ENAH: variants seen among roughly 807,000 people sequenced by gnomAD.
ENAH encodes the protein protein enabled homolog.
ENAH carries 23 observed loss-of-function variants against 78.7 expected under a neutral mutation model. The ratio of observed to expected loss-of-function variants is 0.29; its 90% CI spans 0.21 to 0.41. The LOEUF is 0.41. Among genes scored for constraint, ENAH ranks in the 10% least tolerant of loss-of-function variants. The probability of loss-of-function intolerance (pLI) is 1.00; values close to 1 mark genes in which losing one functional copy is unlikely to be tolerated. For missense variants in ENAH, 544 were observed against 691.0 expected, an observed-to-expected ratio of 0.79 and a Z score of 2.39; for synonymous variants, 226 against 241.0, an observed-to-expected ratio of 0.94 and a Z score of 0.58.
intron 1 of ENAH, among the ~76,000 whole-genome samples, chr1:225,612,322 A>T (rs1447239815): frequency 6.6e-6 from 1 of 152,252 alleles, no homozygotes; most frequent in Non-Finnish European, 1.5e-5. Flanking sequence ...CAGAAGCCAG[A>T]CACAAAAAGC....
chr1:225,616,409 A>G (rs950406290), intron 1 of ENAH, among the ~76,000 whole-genome samples: 8 of 152,144 alleles, frequency 5.3e-5, no homozygotes, highest in African/African-American at 1.9e-4. Context: ...ACTGGTGACA[A>G]TATGTCAATA....
intron 1 of ENAH, among the ~76,000 whole-genome samples, chr1:225,602,157 A>G (rs1160942083): frequency 6.6e-6 from 1 of 152,146 alleles, no homozygotes; most frequent in Non-Finnish European, 1.5e-5. Flanking sequence ...AATAAAGAGG[A>G]TTTGAATAGA....
chr1:225,637,396 C>A (rs962108479), intron 1 of ENAH, among the ~76,000 whole-genome samples: 2 of 152,100 alleles, frequency 1.3e-5, no homozygotes, highest in Admixed American at 6.5e-5. Context: ...TTAGTAGAGA[C>A]GGGGTTTCAC....
chr1:225,525,224 A>G (rs552297888), intron 4 of ENAH, among the ~76,000 whole-genome samples: 5 of 152,238 alleles, frequency 3.3e-5, no homozygotes, highest in South Asian at 2.1e-4. Flanking sequence ...TTTAATTCCT[A>G]TATCTCTAGC....
At chr1:225,612,749 G>C (rs1258473692) in intron 1 of ENAH, among the ~76,000 whole-genome samples, 1 of 151,880 alleles carries the variant, frequency 6.6e-6, no homozygotes, top group Non-Finnish European at 1.5e-5. Flanking sequence ...TCATATCTTT[G>C]CCCCAGTTTA....
At chr1:225,638,322 C>T (rs1660423443) in intron 1 of ENAH, among the ~76,000 whole-genome samples, 1 of 152,030 alleles carries the variant, frequency 6.6e-6, no homozygotes, top group African/African-American at 2.4e-5. Context: ...CCACACCCAG[C>T]TAATATTATT....
chr1:225,610,516 C>T (rs2096982585), intron 1 of ENAH, among the ~76,000 whole-genome samples: 1 of 151,904 alleles, frequency 6.6e-6, no homozygotes, highest in South Asian at 2.1e-4. Context: ...TCTTTTTTTT[C>T]CCAAGTATGC....
intron 3 of ENAH, among the ~76,000 whole-genome samples, chr1:225,535,824 TA>T (rs2096559012): frequency 6.6e-6 from 1 of 151,936 alleles, no homozygotes; most frequent in Non-Finnish European, 1.5e-5. Context: ...ATAACTTAGT[TA>T]TTTCCTAAGT....
intron 1 of ENAH, among the ~76,000 whole-genome samples, chr1:225,635,322 A>T (rs1012222768): frequency 3.3e-5 from 5 of 152,190 alleles, no homozygotes; most frequent in Non-Finnish European, 7.3e-5. Context: ...TGGGAATTAT[A>T]GGCACAAGCC....
At chr1:225,569,044 G>A (rs1015928665) in intron 1 of ENAH, among the ~76,000 whole-genome samples, 2 of 152,130 alleles carry the variant, frequency 1.3e-5, no homozygotes, top group African/African-American at 2.4e-5. Flanking sequence ...ATAGATTAAA[G>A]GGCATGTGTC....
At chr1:225,587,595 T>A (rs2096853829) in intron 1 of ENAH, among the ~76,000 whole-genome samples, 1 of 152,140 alleles carries the variant, frequency 6.6e-6, no homozygotes. Flanking sequence ...AATCTACAAG[T>A]TAAATGCAAT....
chr1:225,653,749 G>T (rs1384430196), upstream of ENAH, among the ~76,000 whole-genome samples: 2 of 152,202 alleles, frequency 1.3e-5, no homozygotes, highest in African/African-American at 4.8e-5. The surrounding 1 kb of genome is among the most constrained non-coding windows in gnomAD (Gnocchi z 4.3). Flanking sequence ...GAATCGGGGG[G>T]CATCCCGGTC....
At position 225,494,685 on chromosome 1, in the gene ENAH, T is replaced by C. The variant is rs1286719695; in HGVS notation, c.*3090A>G. 6.6e-6 allele frequency: 1 copy of C among 152,238 alleles called. No homozygotes were observed. Among genetic ancestry groups the C allele is most frequent in the Admixed American group, 6.5e-5 (1 of 15,284 alleles). The allele number at this position is 152,238 out of a possible 1,614,324, so 9.4% of individuals were successfully genotyped here. On this transcript the variant is annotated 3_prime_UTR_variant, in exon 14 of 14. Coordinates refer to ENST00000366843, the MANE Select transcript of ENAH (RefSeq NM_018212.6). Reference sequence around the variant, plus strand: ...CGACTTCTATGAAATCTGTAAAGAATAGTGACGTGACATGTAAACTTTTAA... The same window carrying C: ...CGACTTCTATGAAATCTGTAAAGAACAGTGACGTGACATGTAAACTTTTAA...
At chr1:225,538,788 G>A (rs532436503) in intron 3 of ENAH, among the ~76,000 whole-genome samples, 5 of 152,226 alleles carry the variant, frequency 3.3e-5, no homozygotes, top group East Asian at 1.9e-4. Flanking sequence ...TTTGTAAGCC[G>A]TTTATTTTTA....
intron 1 of ENAH, among the ~76,000 whole-genome samples, chr1:225,636,326 C>T (rs2840967): frequency 0.4 from 60,952 of 152,068 alleles, 13,948 homozygotes; most frequent in African/African-American, 0.63. Context: ...GAACTGCTGA[C>T]TGGGTGACAA....
intron 11 of ENAH, chr1:225,505,112 A>T: frequency 7.6e-7 from 1 of 1,316,724 alleles, no homozygotes; most frequent in Non-Finnish European, 1.1e-6. Flanking sequence ...AATAATTCTC[A>T]TTATGTTACT....
At chr1:225,510,026 G>A (rs2096364212) in intron 10 of ENAH, among the ~76,000 whole-genome samples, 1 of 152,152 alleles carries the variant, frequency 6.6e-6, no homozygotes, top group Non-Finnish European at 1.5e-5. Context: ...TCAACAAGTG[G>A]TTGTAAAAAG....
At chr1:225,621,551 C>T (rs1656938777) in intron 1 of ENAH, among the ~76,000 whole-genome samples, 1 of 151,914 alleles carries the variant, frequency 6.6e-6, no homozygotes. Context: ...CTCGGCCTCC[C>T]AAAGTGCTGG....
Position 225,548,024 on chromosome 1 carries a change from T to C in ENAH, c.349+6882A>G, listed in dbSNP as rs537189109. Among the ~76,000 whole-genome samples, 5 of 152,304 alleles carry C rather than the reference T, an allele frequency of 3.3e-5. No homozygotes were observed. In the East Asian group the frequency reaches 7.7e-4, roughly 23 times the overall value. ...AGAAGATCTGTGAGGACAAGACTTGTGTCTAATTTGCGCTGGCATACAGAT... is the reference window on the plus strand; with the variant it reads ...AGAAGATCTGTGAGGACAAGACTTGCGTCTAATTTGCGCTGGCATACAGAT... On this transcript the variant is annotated intron_variant, in intron 3 of 13. Transcript: ENST00000366843.
Sources: gnomAD v4.1 joint callset for allele counts (sites outside exome capture counted in the v4.1 genomes callset) on GRCh38, gnomAD v4.1.1 for gene constraint, Gnocchi (gnomAD v3.1) non-coding constraint, MANE v1.5 for transcripts, NCBI Gene and HGNC (gene_info 2026-07-23, HGNC 2026-07-21) for gene names.